The following HSPG2 variants were observed in gnomAD, a reference collection of about 807,000 sequenced individuals.
HSPG2 encodes basement membrane-specific heparan sulfate proteoglycan core protein.
HSPG2 carries 278 observed loss-of-function variants against 526.6 expected under a neutral mutation model. The ratio of observed to expected loss-of-function variants is 0.53; its 90% CI spans 0.48 to 0.58. The LOEUF is 0.58. HSPG2 is among the 20% of genes least tolerant of loss of function. The pLI, the probability that HSPG2 is intolerant of heterozygous loss-of-function variation, is 0.00. For synonymous variants in HSPG2, 2,465 were observed against 2,555.4 expected (o/e 0.96, Z 1.07); for missense variants, 5,354 against 6,099.5 (o/e 0.88, Z 4.07).
At position 21,841,112 on chromosome 1, in the gene HSPG2, C is replaced by T. The variant is rs2228349; in HGVS notation, c.9502G>A (p.Ala3168Thr). 0.084 allele frequency: 134,857 copies of T among 1,608,368 alleles called. 6,367 individuals carry two copies. Among genetic ancestry groups the T allele is most frequent in the African/African-American group, 0.17 (12,531 of 74,904 alleles). The change falls in exon 71 of 97, where the codon GCG becomes ACG. Residue 3168 changes from alanine to threonine, a missense_variant. Ala to Thr is a moderately conservative substitution (Grantham distance 58, BLOSUM62 0). Coordinates refer to ENST00000374695, the MANE Select transcript of HSPG2 (RefSeq NM_005529.7). ...QRTYGLMDSH[A>T]VLQISSAKPS... ...AGCCCCGGCTTCACCTGCAGCACCG[C>T]GTGGCTGTCCATGAGCCCATATGTC...
intron 1 of HSPG2, among the ~76,000 whole-genome samples, chr1:21,912,918 T>C (rs1643748007): frequency 6.6e-6 from 1 of 151,094 alleles, no homozygotes; most frequent in African/African-American, 2.4e-5. Flanking sequence ...AGGCGGAGGT[T>C]GCAGTGAGCT....
chr1:21,855,778 C>G lies in HSPG2; in HGVS notation c.5701+9G>C. ...CAGGCCTTGAATGTCATTCCCATCA[C>G]GGCCTCACCTGTCCACTCGAGGGTG... is the stretch of plus-strand genomic sequence containing the variant. On this transcript the variant is annotated intron_variant, in intron 45 of 96. Transcript: ENST00000374695. The G allele has an allele frequency of 6.2e-7, 1 of 1,612,736 alleles. No homozygotes were observed. Among genetic ancestry groups the G allele is most frequent in the South Asian group, 1.1e-5 (1 of 90,904 alleles).
chr1:21,916,071 GAA>G (rs1027701117), intron 1 of HSPG2, among the ~76,000 whole-genome samples: 1 of 122,468 alleles, frequency 8.2e-6, no homozygotes, highest in South Asian at 2.6e-4. Context: ...AGAAGAAGAA[GAA>G]AAAAAAAAAA....
rs1288240621 is a variant in HSPG2 at position 21,822,547 on chromosome 1, G to GA, written c.*768dup. On this transcript the variant is annotated 3_prime_UTR_variant, in exon 97 of 97. Coordinates refer to ENST00000374695, the MANE Select transcript of HSPG2 (RefSeq NM_005529.7). ...GGGCCTTCACTTCCAGATGGGTGGG[G>GA]ATGTGGCCTGGGGTGGGCGGGGCCC... is the stretch of plus-strand genomic sequence containing the variant. 4 of 286,130 alleles carry GA rather than the reference G, an allele frequency of 1.4e-5. No individual in the cohort carries two copies. Among genetic ancestry groups the GA allele is most frequent in the East Asian group, 9.4e-5 (1 of 10,688 alleles). The allele number at this position is 286,130 out of a possible 1,614,324, so 17.7% of individuals were successfully genotyped here. A position where few individuals can be genotyped will look rare whatever the true frequency, so the allele number is the denominator to read the frequency against.
Position 21,880,735 on chromosome 1 carries a change from G to A in HSPG2, c.1919C>T (p.Ala640Val), listed in dbSNP as rs779577027. ...GCCTCGGGAGAGGAGGCGGTACCCG[G>A]CACCCATGAGGACCACGTCCGGCCG... Reference protein sequence around the residue: ...VQRPDVVLMGAGYRLLSRGHT... With the variant: ...VQRPDVVLMGVGYRLLSRGHT... Residue 640 changes from alanine (A) to valine (V), a missense_variant, in exon 15 of 97, where the codon GCC (alanine) becomes GTC (valine). Ala to Val is a moderately conservative substitution (Grantham distance 64). Transcript: ENST00000374695. 11 of 1,600,730 alleles carry A rather than the reference G, an allele frequency of 6.9e-6. No homozygotes were observed. The highest frequency in any genetic ancestry group is 2.3e-5 in the East Asian group (1 of 44,300).
At chr1:21,916,067 AG>A (rs56783514) in intron 1 of HSPG2, among the ~76,000 whole-genome samples, 40,199 of 137,480 alleles carry the variant, frequency 0.29, 6,699 homozygotes, top group East Asian at 0.66. Context: ...GAAAAGAAGA[AG>A]AAGAAAAAAA....
At chr1:21,909,643 C>T (rs1017937011) in intron 1 of HSPG2, among the ~76,000 whole-genome samples, 7 of 152,236 alleles carry the variant, frequency 4.6e-5, no homozygotes, top group African/African-American at 1.7e-4. Context: ...AAGCCAGGGG[C>T]AGAGGCTACA....
At chr1:21,888,945 A>C (rs1272527659) in intron 6 of HSPG2, among the ~76,000 whole-genome samples, 1 of 152,184 alleles carries the variant, frequency 6.6e-6, no homozygotes, top group Non-Finnish European at 1.5e-5. Flanking sequence ...CTTGTTTTAG[A>C]GGCAGGGTTT....
chr1:21,864,807 C>A lies in HSPG2; in HGVS notation c.4626+36G>T, dbSNP rs567919241. ...TGATTTGCTTGCTGATGCCTCTGTG[C>A]CTGTGCAGAGGTGGTGGAGCTGGCC... is the stretch of plus-strand genomic sequence containing the variant. On this transcript the variant is annotated intron_variant, in intron 36 of 96. Coordinates refer to ENST00000374695, the MANE Select transcript of HSPG2 (RefSeq NM_005529.7). This position sits in a 1 kb window ranked among gnomAD's most constrained non-coding sequence, Gnocchi z 4.8. 6.5e-7 allele frequency: 1 copy of A among 1,548,958 alleles called. No homozygotes were observed. Among genetic ancestry groups the A allele is most frequent in the East Asian group, 2.3e-5 (1 of 43,128 alleles).
At chr1:21,933,567 GT>G (rs1644402712) in intron 1 of HSPG2, among the ~76,000 whole-genome samples, 1 of 152,128 alleles carries the variant, frequency 6.6e-6, no homozygotes, top group Non-Finnish European at 1.5e-5. Context: ...TCTTTCCACC[GT>G]CTCCCGGGCA....
chr1:21,927,918 C>T (rs745644721), intron 1 of HSPG2, among the ~76,000 whole-genome samples: 2 of 152,250 alleles, frequency 1.3e-5, no homozygotes, highest in Non-Finnish European at 2.9e-5. Context: ...ATAGAGAAGG[C>T]GTGCCCGGCT....
In HSPG2 at chr1:21,872,688, C is replaced by G. The variant is rs1372970915; in HGVS notation, c.3961G>C (p.Gly1321Arg). 1 of 1,607,226 alleles carries G rather than the reference C, an allele frequency of 6.2e-7. No individual in the cohort carries two copies. Among genetic ancestry groups the G allele is most frequent in the Non-Finnish European group, 8.5e-7 (1 of 1,177,856 alleles). ...HFHLSASNPD[G>R]CLPCFCMGIT... ...CCCATACAGAAGCAGGGCAGGCAGCCGTCTGGGTTGCTGGCACTCAGGTGG... is the reference window on the plus strand; with the variant it reads ...CCCATACAGAAGCAGGGCAGGCAGCGGTCTGGGTTGCTGGCACTCAGGTGG... Residue 1321 changes from glycine (G) to arginine (R), a missense_variant, in exon 32 of 97, where the codon GGC (glycine) becomes CGC (arginine). Transcript: ENST00000374695. The surrounding 1 kb of genome is among the most constrained non-coding windows in gnomAD (Gnocchi z 5.5).
At chr1:21,856,484 C>T (rs1002176807) in intron 44 of HSPG2, among the ~76,000 whole-genome samples, 2 of 152,054 alleles carry the variant, frequency 1.3e-5, no homozygotes, top group Middle Eastern at 3.2e-3. Context: ...GTGGCGCGAT[C>T]TCGGCTCACT....
At chr1:21,823,526 G>A (rs780106244) in intron 96 of HSPG2, 38 bp from the exon 97 acceptor site, 1 of 1,609,102 alleles carries the variant, frequency 6.2e-7, no homozygotes, top group South Asian at 1.1e-5. Context: ...GTGGGCTCCA[G>A]CAGCCCAGGA....
rs781565927 is a variant in HSPG2, at chr1:21,852,757, T to G, written c.6667A>C (p.Thr2223Pro). 2.0e-5 allele frequency: 32 copies of G among 1,612,374 alleles called. No homozygotes were observed. The highest frequency in any genetic ancestry group is 4.4e-5 in the South Asian group (4 of 91,022). The part of the protein sequence containing the change: ...SGEYVCHVVG[T>P]SGPLEASVLV... ...ACTGAGGCCTCTAGGGGGCCGGAGG[T>G]GCCCACCACATGGCACACATACTCG... The change falls in exon 52 of 97, where the codon ACC becomes CCC. Residue 2223 changes from threonine (T) to proline (P), a missense_variant. Coordinates refer to ENST00000374695, the MANE Select transcript of HSPG2 (RefSeq NM_005529.7).
At chr1:21,917,181 T>C (rs543674906) in intron 1 of HSPG2, among the ~76,000 whole-genome samples, 173 of 152,112 alleles carry the variant, frequency 1.1e-3, no homozygotes, top group African/African-American at 4.0e-3. Flanking sequence ...CCTGTAATCC[T>C]AGCTCTTCGG....
intron 1 of HSPG2, among the ~76,000 whole-genome samples, chr1:21,916,731 T>A (rs1643896479): frequency 1.3e-5 from 2 of 152,154 alleles, no homozygotes. Context: ...TTTAAAACTT[T>A]ATTTAATTTT....
intron 33 of HSPG2, chr1:21,870,415 CCCACA>C (rs1640556202): frequency 2.5e-6 from 1 of 397,788 alleles, no homozygotes; most frequent in Non-Finnish European, 3.4e-6. Context: ...GTCAGAAAGG[CCCACA>C]CTAATTAGGA....
intron 33 of HSPG2, among the ~76,000 whole-genome samples, chr1:21,867,247 T>A (rs1640313864): frequency 6.6e-6 from 1 of 151,738 alleles, no homozygotes; most frequent in Non-Finnish European, 1.5e-5. Flanking sequence ...TGAGCCACCA[T>A]GCCCGGCCGA....
Sources: gnomAD v4.1 joint callset for allele counts (sites outside exome capture counted in the v4.1 genomes callset) on GRCh38, gnomAD v4.1.1 for gene constraint, Gnocchi (gnomAD v3.1) non-coding constraint, MANE v1.5 for transcripts, NCBI Gene and HGNC (gene_info 2026-07-23, HGNC 2026-07-21) for gene names.